Variants in YY1AP1 observed in about 807,000 individuals in gnomAD.
The protein encoded by YY1AP1 is YY1-associated protein 1.
Under a neutral mutation model 39.9 loss-of-function variants are expected in YY1AP1, and 43 were observed. The ratio of observed to expected loss-of-function variants is 1.08; its 90% CI spans 0.84 to 1.39. The LOEUF (loss-of-function observed/expected upper bound fraction) is 1.39. Among genes scored for constraint, YY1AP1 ranks in the 40% most tolerant of loss-of-function variants. YY1AP1 has a pLI of 0.00. For synonymous variants in YY1AP1, 292 were observed against 331.3 expected (o/e 0.88, Z 1.29); for missense variants, 813 against 900.7 (o/e 0.90, Z 1.25).
chr1:155,668,241 C>T (rs1260957853), intron 9 of YY1AP1, among the ~76,000 whole-genome samples: 1 of 152,040 alleles, frequency 6.6e-6, no homozygotes, highest in Non-Finnish European at 1.5e-5. Context: ...GCGGAAGCTG[C>T]AGTGAGCCAA....
Position 155,688,735 on chromosome 1 carries a change from A to ACCGCCGCCAAAGCAG in YY1AP1, c.-243_-229dup, listed in dbSNP as rs1653147022. On this transcript the variant is annotated 5_prime_UTR_variant, in exon 1 of 11. Coordinates refer to ENST00000355499, the MANE Select transcript of YY1AP1 (RefSeq NM_139119.3). ...TCCCTCCCCGCCCGCACGGCCACCA[A>ACCGCCGCCAAAGCAG]CCGCCGCCAAAGCAGCCGCCGCCAG... is the stretch of plus-strand genomic sequence containing the variant. 7.9e-6 allele frequency: 12 copies of ACCGCCGCCAAAGCAG among 1,515,096 alleles called. No individual in the cohort carries two copies. The East Asian group carries it at 1.5e-4, about 19-fold the overall frequency. 93.9% of individuals were successfully genotyped at this position (1,515,096 alleles called of 1,614,324 possible). A position where few individuals can be genotyped will look rare whatever the true frequency, so the allele number is the denominator to read the frequency against.
rs147842576 is a variant in YY1AP1, at chr1:155,680,597, C to T, written c.-20-141G>A. 68 of 682,448 alleles carry T rather than the reference C, an allele frequency of 1.0e-4. No individual in the cohort carries two copies. The African/African-American group carries it at 1.0e-3, about 10-fold the overall frequency. 42.3% of individuals were successfully genotyped at this position (682,448 alleles called of 1,614,324 possible). A position where few individuals can be genotyped will look rare whatever the true frequency, so the allele number is the denominator to read the frequency against. ...TATCCTTATTCCTGAGACAGGGTCTCACTCTGTCACCCGGGCTGGAGGGCA... is the reference window on the plus strand; with the variant it reads ...TATCCTTATTCCTGAGACAGGGTCTTACTCTGTCACCCGGGCTGGAGGGCA... On this transcript the variant is annotated intron_variant, in intron 2 of 10. Coordinates refer to ENST00000355499, the MANE Select transcript of YY1AP1 (RefSeq NM_139119.3).
chr1:155,659,744 A>G lies in YY1AP1; in HGVS notation c.2166T>C (p.Ser722=). 1 of 1,614,180 alleles carries G rather than the reference A, an allele frequency of 6.2e-7. No homozygotes were observed. The highest frequency in any genetic ancestry group is 8.5e-7 in the Non-Finnish European group (1 of 1,180,014). Reference sequence around the variant, plus strand: ...AATCCCCAGGGGAAGAGTTGTTTAGAGACTCCTGGATGCCCTGAGGGAGCG... The same window carrying G: ...AATCCCCAGGGGAAGAGTTGTTTAGGGACTCCTGGATGCCCTGAGGGAGCG... ...LEPLPQGIQE[S]LNNSSPGDLE... is the part of the protein sequence containing the mutation. The change falls in exon 11 of 11, where the codon TCT becomes TCC. Residue 722 remains serine (S), a synonymous_variant. Transcript: ENST00000355499.
chr1:155,679,701 G>A, intron 3 of YY1AP1, 189 bp from the exon 4 acceptor site: 4 of 985,412 alleles, frequency 4.1e-6, no homozygotes, highest in East Asian at 1.1e-4. Context: ...ATTATGCCAG[G>A]AAAGAAGTTG....
In YY1AP1 at chr1:155,659,988, A is replaced by C; in HGVS notation, c.1922T>G (p.Ile641Ser). ...TTCCCCATCAGCCACAGCACAAGCA[A>C]TGTCCACATTCATGTGGGCCTTATC... is the stretch of plus-strand genomic sequence containing the variant. ...PEDKAHMNVD[I>S]ACAVADGENA... The change falls in exon 11 of 11, where the codon ATT becomes AGT. Residue 641 changes from isoleucine to serine, a missense_variant. Ile to Ser is a moderately radical substitution (Grantham distance 142, BLOSUM62 -2). Coordinates refer to ENST00000355499, the MANE Select transcript of YY1AP1 (RefSeq NM_139119.3). 1 of 1,614,184 alleles carries C rather than the reference A, an allele frequency of 6.2e-7. No individual in the cohort carries two copies. The highest frequency in any genetic ancestry group is 8.5e-7 in the Non-Finnish European group (1 of 1,180,038).
intron 9 of YY1AP1, among the ~76,000 whole-genome samples, chr1:155,666,545 G>A (rs111348483): frequency 1.6e-3 from 243 of 152,304 alleles, no homozygotes; most frequent in African/African-American, 5.7e-3. Flanking sequence ...AAGGGAGTGA[G>A]GAGAGAGGTA....
Position 155,676,640 on chromosome 1 carries a change from C to A in YY1AP1, c.232G>T (p.Val78Leu), listed in dbSNP as rs371632691. 22 of 1,614,192 alleles carry A rather than the reference C, an allele frequency of 1.4e-5. No homozygotes were observed. The highest frequency in any genetic ancestry group is 1.9e-5 in the Non-Finnish European group (22 of 1,180,038). ...TTACACTGGGGTTTAACCTTCTCTA[C>A]CTCCTTCTGCTGTTTGGCTGAAGGT... ...KKPSAKQQKE[V>L]EKVKPQCKEV... The change falls in exon 5 of 11, where the codon GTA becomes TTA. Residue 78 changes from valine to leucine, a missense_variant. By Grantham distance (32) the Val-to-Leu change is conservative (BLOSUM62 1). Around this residue, in one of 3 missense-constraint regions of YY1AP1, gnomAD observed 196 missense variants for 189.7 expected, o/e 1.03. Coordinates refer to ENST00000355499, the MANE Select transcript of YY1AP1 (RefSeq NM_139119.3).
upstream of YY1AP1, chr1:155,688,797 A>G: frequency 1.9e-6 from 3 of 1,546,076 alleles, no homozygotes; most frequent in Non-Finnish European, 2.6e-6. Flanking sequence ...TGCGCCTCCC[A>G]CAGTCCCCAC....
chr1:155,679,103 G>A lies in YY1AP1; in HGVS notation c.125+306C>T, dbSNP rs115633642. The A allele has an allele frequency of 3.1e-5, 40 of 1,284,416 alleles. No individual in the cohort carries two copies. The African/African-American group carries it at 5.6e-4, about 18-fold the overall frequency. The allele number at this position is 1,284,416 out of a possible 1,614,324, so 79.6% of individuals were successfully genotyped here. On this transcript the variant is annotated intron_variant, in intron 4 of 10. Transcript: ENST00000355499. Reference sequence around the variant, plus strand: ...GACAGACTGGATATTACAATATAGGGTAGTTTGTGTGGCTGGCCACATTGA... The same window carrying A: ...GACAGACTGGATATTACAATATAGGATAGTTTGTGTGGCTGGCCACATTGA...
chr1:155,672,819 TC>T, intron 6 of YY1AP1, 88 bp from the exon 7 acceptor site: 2 of 1,578,488 alleles, frequency 1.3e-6, no homozygotes, highest in Non-Finnish European at 1.7e-6. Context: ...AAGCTGACCT[TC>T]CTACTACAGG....
chr1:155,683,583 G>A (rs978854348), intron 2 of YY1AP1, among the ~76,000 whole-genome samples: 12 of 152,018 alleles, frequency 7.9e-5, no homozygotes, highest in African/African-American at 2.9e-4. Context: ...TTGAATCCGG[G>A]TGGCAGAGGC....
intron 5 of YY1AP1, among the ~76,000 whole-genome samples, chr1:155,676,254 A>G (rs1022952618): frequency 6.8e-6 from 1 of 146,188 alleles, no homozygotes. Context: ...GGGAAAAGGG[A>G]AAAAAAACTA....
intron 2 of YY1AP1, 56 bp from the exon 3 acceptor site, chr1:155,680,512 G>A: frequency 1.4e-6 from 2 of 1,423,282 alleles, no homozygotes; most frequent in Non-Finnish European, 2.0e-6. Context: ...CAATATGGAG[G>A]AATTCCATGT....
At chr1:155,668,549 T>A (rs1244529327) in intron 9 of YY1AP1, 78 bp downstream of exon 9, 26 of 1,609,688 alleles carry the variant, frequency 1.6e-5, no homozygotes, top group Non-Finnish European at 2.1e-5. Flanking sequence ...AGGTTCTTCT[T>A]TTCTTTGAGA....
At chr1:155,674,625 G>A (rs999210953) in intron 6 of YY1AP1, 13 of 179,070 alleles carry the variant, frequency 7.3e-5, no homozygotes, top group Admixed American at 2.3e-4. Flanking sequence ...TCAGGAATTC[G>A]AGACCAGCCT....
At chr1:155,688,254 A>G in intron 1 of YY1AP1, 53 bp from the exon 2 acceptor site, 1 of 1,607,184 alleles carries the variant, frequency 6.2e-7, no homozygotes. Context: ...AAAGGGGCAA[A>G]CTGAGAGGAG....
intron 9 of YY1AP1, among the ~76,000 whole-genome samples, chr1:155,667,953 A>AACAC (rs575258946): frequency 8.9e-4 from 129 of 144,934 alleles, no homozygotes; most frequent in East Asian, 5.9e-3. Flanking sequence ...GACACACACA[A>AACAC]ACACACACAC....
intron 6 of YY1AP1, among the ~76,000 whole-genome samples, chr1:155,673,236 G>A (rs931667750): frequency 2.0e-5 from 3 of 152,040 alleles, no homozygotes; most frequent in African/African-American, 7.2e-5. Flanking sequence ...GGCTGATCTC[G>A]AACTCCTGGG....
Position 155,660,243 on chromosome 1 carries a change from G to C in YY1AP1, c.1667C>G (p.Thr556Ser), listed in dbSNP as rs1423826748. 5.0e-6 allele frequency: 8 copies of C among 1,614,254 alleles called. No individual in the cohort carries two copies. The Admixed American group carries it at 5.0e-5, about 10-fold the overall frequency. ...PVIHPASVIF[T>S]VPATTVKIVS... The stretch of plus-strand genomic sequence containing the variant: ...AATCTTCACAGTGGTAGCAGGAACA[G>C]TGAAGATAACAGATGCAGGGTGGAT... The change falls in exon 11 of 11, where the codon ACT becomes AGT. Residue 556 changes from threonine (T) to serine (S), a missense_variant. By Grantham distance (58) the Thr-to-Ser change is moderately conservative. This residue lies in a region of YY1AP1 where 586 missense variants were observed against 647.4 expected (regional missense o/e 0.91). Transcript: ENST00000355499.
Sources: allele counts gnomAD v4.1 joint callset (sites outside exome capture counted in the v4.1 genomes callset), GRCh38; gene constraint gnomAD v4.1.1; regional missense constraint gnomAD v4.1.1; transcripts MANE v1.5; gene names NCBI Gene and HGNC (gene_info 2026-07-23, HGNC 2026-07-21).